Variants in MGRN1 observed in about 807,000 individuals in gnomAD.
MGRN1 encodes the protein mahogunin ring finger 1.
Under a neutral mutation model 69.2 loss-of-function variants are expected in MGRN1, and 29 were observed. That is an observed-to-expected ratio of 0.42 (90% CI 0.31 to 0.57). The LOEUF (loss-of-function observed/expected upper bound fraction) is 0.57. Ranked by LOEUF, MGRN1 falls within the 20% of genes least tolerant of loss-of-function variation. The probability of loss-of-function intolerance (pLI) is 0.15; values close to 1 mark genes in which losing one functional copy is unlikely to be tolerated. For missense variants in MGRN1, 998 were observed against 796.2 expected, an observed-to-expected ratio of 1.25 and a Z score of -3.05; for synonymous variants, 470 against 344.2, an observed-to-expected ratio of 1.37 and a Z score of -4.04.
At chr16:4,685,281 T>G (rs911087652) in intron 16 of MGRN1, among the ~76,000 whole-genome samples, 1 of 152,132 alleles carries the variant, frequency 6.6e-6, no homozygotes, top group Non-Finnish European at 1.5e-5. Context: ...TCCTGCAGGG[T>G]GGCCCTGTGG....
At chr16:4,643,841 A>T (rs13333551) in intron 1 of MGRN1, among the ~76,000 whole-genome samples, 19,118 of 152,098 alleles carry the variant, frequency 0.13, 2,889 homozygotes, top group African/African-American at 0.37. Context: ...CAATAACAAG[A>T]AGAAATACGA....
Position 4,673,503 on chromosome 16 carries a change from G to T in MGRN1, c.801G>T (p.Ser267=), listed in dbSNP as rs374631080. 18 of 1,612,370 alleles carry T rather than the reference G, an allele frequency of 1.1e-5. No individual in the cohort carries two copies. The highest frequency in any genetic ancestry group is 1.4e-5 in the Non-Finnish European group (16 of 1,179,892). The change falls in exon 10 of 17, where the codon TCG becomes TCT. Residue 267 remains serine (S), a synonymous_variant. Coordinates refer to ENST00000262370, the MANE Select transcript of MGRN1 (RefSeq NM_015246.4). ...ENKNNQETKP[S]DDENSDNSNE... ...ACAAGCCCTTGTCCCGGCAGCCCTC[G>T]GACGACGAGAACAGCGACAACAGCA...
At chr16:4,662,781 AG>A (rs1172839106) in intron 5 of MGRN1, among the ~76,000 whole-genome samples, 1 of 152,218 alleles carries the variant, frequency 6.6e-6, no homozygotes, top group Non-Finnish European at 1.5e-5. Context: ...GGGGGACAGC[AG>A]GGGAGAGGAG....
chr16:4,680,409 C>G, intron 12 of MGRN1: 1 of 341,636 alleles, frequency 2.9e-6, no homozygotes, highest in Non-Finnish European at 5.5e-6. Context: ...GCGGAACTAA[C>G]GTCGCTGCTG....
At position 4,652,065 on chromosome 16, in the gene MGRN1, GC is replaced by G; in HGVS notation, c.296+18del. 6.2e-7 allele frequency: 1 copy of G among 1,612,242 alleles called. No homozygotes were observed. ...GCGGCTGGTGAGGTAACTTCACCCT[GC>G]CCCTGGGGACCCTGTGGCTCTGTGG... On this transcript the variant is annotated intron_variant, in intron 3 of 16. Transcript: ENST00000262370.
At chr16:4,626,426 G>C (rs1419726504) in intron 1 of MGRN1, among the ~76,000 whole-genome samples, 1 of 152,166 alleles carries the variant, frequency 6.6e-6, no homozygotes, top group Non-Finnish European at 1.5e-5. Context: ...GCCTGCCTCT[G>C]GCTGAGTGAC....
intron 10 of MGRN1, chr16:4,677,203 C>G (rs1301479130): frequency 8.1e-6 from 3 of 370,010 alleles, no homozygotes; most frequent in Non-Finnish European, 1.5e-5. Flanking sequence ...TGCGGGAGTT[C>G]TGTCTCTCGT....
chr16:4,686,500 G>T, intron 16 of MGRN1: 1 of 1,387,272 alleles, frequency 7.2e-7, no homozygotes, highest in Non-Finnish European at 9.3e-7. Flanking sequence ...GGCCTCCTGG[G>T]GGGTCCTGAC....
chr16:4,687,756 G>C (rs2141993155), intron 16 of MGRN1: 1 of 985,464 alleles, frequency 1.0e-6, no homozygotes, highest in East Asian at 1.1e-4. Context: ...GGAGGTGCCT[G>C]GCCGGGGGTG....
chr16:4,635,410 C>T (rs1256697460), intron 1 of MGRN1, among the ~76,000 whole-genome samples: 1 of 152,118 alleles, frequency 6.6e-6, no homozygotes, highest in Non-Finnish European at 1.5e-5. Context: ...GAGTGAGACC[C>T]TGTCTCTAAA....
chr16:4,665,216 G>A, intron 7 of MGRN1, 65 bp downstream of exon 7: 1 of 1,575,838 alleles, frequency 6.3e-7, no homozygotes, highest in Non-Finnish European at 8.7e-7. Flanking sequence ...GGCCTTTTGA[G>A]ACGAGAAGCC....
intron 8 of MGRN1, among the ~76,000 whole-genome samples, chr16:4,668,933 A>G (rs980424520): frequency 6.6e-6 from 1 of 151,686 alleles, no homozygotes. Flanking sequence ...CATACACACA[A>G]TCACTTGCAC....
chr16:4,642,155 C>T (rs1433659990), intron 1 of MGRN1, among the ~76,000 whole-genome samples: 15 of 139,084 alleles, frequency 1.1e-4, no homozygotes, highest in Non-Finnish European at 2.0e-4. Context: ...TTAAAAAAGA[C>T]CGTCTTGCTC....
chr16:4,626,643 C>T (rs541960690), intron 1 of MGRN1, among the ~76,000 whole-genome samples: 1 of 152,212 alleles, frequency 6.6e-6, no homozygotes, highest in Non-Finnish European at 1.5e-5. Flanking sequence ...AGTTGAGTGG[C>T]ACTTCCTGTC....
intron 1 of MGRN1, among the ~76,000 whole-genome samples, chr16:4,635,468 C>A (rs988201729): frequency 5.7e-4 from 85 of 148,956 alleles, no homozygotes; most frequent in African/African-American, 1.9e-3. Flanking sequence ...CTAACATATT[C>A]TTTTTTTTTT....
At chr16:4,657,204 C>T (rs752570778) in intron 4 of MGRN1, 42 bp from the exon 5 acceptor site, 18 of 1,586,420 alleles carry the variant, frequency 1.1e-5, no homozygotes, top group Non-Finnish European at 1.6e-5. Context: ...GGAGGGCCCT[C>T]TTCCTGCCGC....
intron 16 of MGRN1, chr16:4,688,571 G>T (rs1880838308): frequency 1.5e-6 from 2 of 1,292,756 alleles, no homozygotes; most frequent in Admixed American, 3.5e-5. Context: ...GGTGTCCGGG[G>T]ATCTGGGATC....
intron 8 of MGRN1, among the ~76,000 whole-genome samples, chr16:4,670,198 G>A (rs899232262): frequency 6.6e-6 from 1 of 152,048 alleles, no homozygotes. Context: ...AAGTAGCTGG[G>A]ACTGCAGGTG....
chr16:4,674,370 A>G (rs560168669), intron 10 of MGRN1, among the ~76,000 whole-genome samples: 2,290 of 149,804 alleles, frequency 0.015, 31 homozygotes, highest in Non-Finnish European at 0.024. Flanking sequence ...CTCACTGCAA[A>G]CTCCGCCTCC....
Sources: allele counts gnomAD v4.1 joint callset (sites outside exome capture counted in the v4.1 genomes callset), GRCh38; gene constraint gnomAD v4.1.1; transcripts MANE v1.5; gene names NCBI Gene and HGNC (gene_info 2026-07-23, HGNC 2026-07-21).